The following GOLGA3 variants were observed in gnomAD, a reference collection of about 807,000 sequenced individuals.
GOLGA3 encodes golgin subfamily A member 3.
A neutral mutation model predicts 169.4 loss-of-function variants in GOLGA3; 75 were observed. That is an observed-to-expected ratio of 0.44 (90% CI 0.37 to 0.54). GOLGA3 has a LOEUF of 0.54. Among genes scored for constraint, GOLGA3 ranks in the 20% least tolerant of loss-of-function variants. The pLI is 0.00. For synonymous variants in GOLGA3, 824 were observed against 822.4 expected (o/e 1.00, Z -0.03); for missense variants, 1,899 against 1,930.0 (o/e 0.98, Z 0.30).
intron 8 of GOLGA3, among the ~76,000 whole-genome samples, chr12:132,800,442 T>C (rs6560905): frequency 0.69 from 105,393 of 151,890 alleles, 36,860 homozygotes; most frequent in East Asian, 0.8. Flanking sequence ...TGCAGTGAGC[T>C]GAGATCACAA....
At chr12:132,788,956 G>GGCCCCGCCCCAGACACAC in intron 13 of GOLGA3, 71 bp downstream of exon 13, 24 of 493,146 alleles carry the variant, frequency 4.9e-5, no homozygotes, top group South Asian at 6.6e-5. Flanking sequence ...CCCAGACACA[G>GGCCCCGCCCCAGACACAC]GCCCCACCCT....
chr12:132,770,275 T>G lies in GOLGA3; in HGVS notation c.*2830A>C, dbSNP rs1052592201. The G allele has an allele frequency of 1.3e-5, 2 of 151,288 alleles. No individual in the cohort carries two copies. Among genetic ancestry groups the G allele is most frequent in the Non-Finnish European group, 2.9e-5 (2 of 68,050 alleles). The allele number at this position is 151,288 out of a possible 1,614,324, so 9.4% of individuals were successfully genotyped here. The stretch of plus-strand genomic sequence containing the variant: ...ATTCCAACTTCCTCTTTTAGGCGTC[T>G]TCTTAAGGAAGGAAGTGTCCGCGTG... On this transcript the variant is annotated 3_prime_UTR_variant, in exon 24 of 24. Transcript: ENST00000450791.
At chr12:132,805,659 G>A (rs910769114) in intron 6 of GOLGA3, among the ~76,000 whole-genome samples, 23 of 151,764 alleles carry the variant, frequency 1.5e-4, no homozygotes, top group African/African-American at 4.6e-4. Context: ...CAGCACAGCC[G>A]TCACAGAAAA....
rs765196256 is a variant in GOLGA3, at chr12:132,782,505, C to G, written c.3268-12G>C. 2 of 1,602,500 alleles carry G rather than the reference C, an allele frequency of 1.2e-6. No homozygotes were observed. Among genetic ancestry groups the G allele is most frequent in the East Asian group, 4.5e-5 (2 of 44,822 alleles). ...CTGGATTCTTGAAGCTGAAACATAC[C>G]AATGTCACTGTAAAATTACCTGCAC... On this transcript the variant is annotated splice_polypyrimidine_tract_variant and intron_variant, in intron 16 of 23. Transcript: ENST00000450791.
chr12:132,781,059 CA>C (rs35956026), intron 17 of GOLGA3, 145 bp from the exon 18 acceptor site: 171,363 of 648,228 alleles, frequency 0.26, 24,319 homozygotes, highest in African/African-American at 0.37. Flanking sequence ...GAATCTGTGA[CA>C]AAAACAGAAT....
intron 2 of GOLGA3, among the ~76,000 whole-genome samples, chr12:132,821,099 CAAAAAAAAAAAA>C (rs61336622): frequency 2.0e-5 from 1 of 49,340 alleles, no homozygotes; most frequent in Non-Finnish European, 3.5e-5. Flanking sequence ...GACACCGTCT[CAAAAAAAAAAAA>C]AAAAAAAAAA....
Position 132,822,023 on chromosome 12 carries a change from G to T in GOLGA3, c.106C>A (p.Pro36Thr), listed in dbSNP as rs760947287. ...APLKPPGPLVPPDQQDKVQCA... is the reference protein window; with the variant it reads ...APLKPPGPLVTPDQQDKVQCA... The stretch of plus-strand genomic sequence containing the variant: ...TGGACTTTGTCCTGCTGGTCAGGTG[G>T]CACCAGTGGGCCCGGGGGCTTCAGT... Residue 36 changes from proline to threonine, a missense_variant, in exon 2 of 24, where the codon CCA (proline) becomes ACA (threonine). Physicochemically the swap from Pro to Thr is conservative, Grantham distance 38. Transcript: ENST00000450791. The T allele has an allele frequency of 6.2e-7, 1 of 1,609,452 alleles. No homozygotes were observed. Among genetic ancestry groups the T allele is most frequent in the Non-Finnish European group, 8.5e-7 (1 of 1,178,048 alleles).
At chr12:132,796,768 G>T in intron 9 of GOLGA3, 68 bp from the exon 10 acceptor site, 1 of 1,475,300 alleles carries the variant, frequency 6.8e-7, no homozygotes. Context: ...CGGTGGCCCC[G>T]TGCTCTGCAG....
At chr12:132,819,097 G>A (rs961978929) in intron 2 of GOLGA3, among the ~76,000 whole-genome samples, 1 of 150,676 alleles carries the variant, frequency 6.6e-6, no homozygotes, top group Non-Finnish European at 1.5e-5. Context: ...GGGGGAGGGA[G>A]GGTCCTCAGG....
At position 132,769,058 on chromosome 12, in the gene GOLGA3, C is replaced by A. The variant is rs1010417157; in HGVS notation, c.*4047G>T. The A allele has an allele frequency of 1.3e-5, 2 of 152,642 alleles. No homozygotes were observed. The highest frequency in any genetic ancestry group is 6.5e-5 in the Admixed American group (1 of 15,276). The allele number at this position is 152,642 out of a possible 1,614,324, so 9.5% of individuals were successfully genotyped here. A position where few individuals can be genotyped will look rare whatever the true frequency, so the allele number is the denominator to read the frequency against. On this transcript the variant is annotated 3_prime_UTR_variant, in exon 24 of 24. Transcript: ENST00000450791. ...CAAGAACAGCCACAACTTGAGGACT[C>A]TCTTTTGTGAGGAAATTTTTAATAA...
rs200649270 is a variant in GOLGA3 at position 132,786,496 on chromosome 12, T to A, written c.2966A>T (p.Gln989Leu). Reference protein sequence around the residue: ...RRLGSDLTSAQKEMKTKHKAY... With the variant: ...RRLGSDLTSALKEMKTKHKAY... ...CTTATGTTTGGTCTTCATCTCCTTC[T>A]GGGCGCTGGTCAAGTCTGAGCCCAG... Residue 989 changes from glutamine (Q) to leucine (L), a missense_variant, in exon 15 of 24, where the codon CAG becomes CTG. Transcript: ENST00000450791. 49 of 1,613,464 alleles carry A rather than the reference T, an allele frequency of 3.0e-5. No homozygotes were observed. The highest frequency in any genetic ancestry group is 3.9e-5 in the Non-Finnish European group (46 of 1,179,978).
intron 8 of GOLGA3, among the ~76,000 whole-genome samples, chr12:132,800,941 G>A (rs993109308): frequency 2.6e-5 from 4 of 152,158 alleles, no homozygotes; most frequent in African/African-American, 9.7e-5. Context: ...CCTGGGTGAC[G>A]GAGTGAGACA....
At position 132,822,069 on chromosome 12, in the gene GOLGA3, G is replaced by C; in HGVS notation, c.60C>G (p.Pro20=). The C allele has an allele frequency of 6.2e-7, 1 of 1,607,086 alleles. No homozygotes were observed. Among genetic ancestry groups the C allele is most frequent in the Non-Finnish European group, 8.5e-7 (1 of 1,177,468 alleles). The stretch of plus-strand genomic sequence containing the variant: ...TCAGTGGGGCCTCGGGGAGAGACGA[G>C]GGGCCACTGTGGGATCTGTCCTCCT... The part of the protein sequence containing the change: ...GLQEDRSHSG[P]SSLPEAPLKP... The change falls in exon 2 of 24, where the codon CCC becomes CCG. Residue 20 remains proline (P), a synonymous_variant. Coordinates refer to ENST00000450791, the MANE Select transcript of GOLGA3 (RefSeq NM_001389683.1).
chr12:132,822,712 G>C (rs1045508503), intron 1 of GOLGA3, among the ~76,000 whole-genome samples: 1 of 152,176 alleles, frequency 6.6e-6, no homozygotes, highest in Admixed American at 6.5e-5. Context: ...CCTGAGGTCA[G>C]GAGTTCAAGA....
chr12:132,798,557 A>C, intron 8 of GOLGA3, 80 bp from the exon 9 acceptor site: 1 of 1,314,034 alleles, frequency 7.6e-7, no homozygotes, highest in Non-Finnish European at 1.0e-6. Flanking sequence ...TGGAGGCCCC[A>C]GGGTGAGGGT....
Position 132,798,496 on chromosome 12 carries a change from A to G in GOLGA3, c.1801-19T>C, listed in dbSNP as rs781154826. On this transcript the variant is annotated intron_variant, in intron 8 of 23. Coordinates refer to ENST00000450791, the MANE Select transcript of GOLGA3 (RefSeq NM_001389683.1). ...GTCCAACCTTAAAAAAAAAACCCAC[A>G]AAGTAAAAAGTTGCTCAATTTCAAG... The G allele has an allele frequency of 1.0e-5, 16 of 1,583,818 alleles. No individual in the cohort carries two copies. In the Admixed American group the frequency reaches 2.3e-4, roughly 23 times the overall value.
At chr12:132,814,225 T>C (rs1278980540) in intron 3 of GOLGA3, among the ~76,000 whole-genome samples, 4 of 151,722 alleles carry the variant, frequency 2.6e-5, no homozygotes, top group Non-Finnish European at 2.9e-5. Context: ...GGTTTCTCCA[T>C]GTTGGTCAGG....
At chr12:132,783,348 T>G (rs1488136898) in intron 16 of GOLGA3, among the ~76,000 whole-genome samples, 1 of 151,830 alleles carries the variant, frequency 6.6e-6, no homozygotes, top group African/African-American at 2.4e-5. Context: ...AGCCTTCTCC[T>G]GGGGCCATGG....
intron 8 of GOLGA3, 85 bp from the exon 9 acceptor site, chr12:132,798,562 G>C: frequency 3.2e-6 from 4 of 1,259,842 alleles, no homozygotes; most frequent in Non-Finnish European, 4.4e-6. Flanking sequence ...GCCCCAGGGT[G>C]AGGGTCACTG....
Sources: gnomAD v4.1 joint callset for allele counts (sites outside exome capture counted in the v4.1 genomes callset) on GRCh38, gnomAD v4.1.1 for gene constraint, MANE v1.5 for transcripts, NCBI Gene and HGNC (gene_info 2026-07-23, HGNC 2026-07-21) for gene names.